Variants in TRIM33 observed in about 807,000 individuals in gnomAD.
TRIM33 encodes the protein E3 ubiquitin-protein ligase TRIM33.
A neutral mutation model predicts 125.4 loss-of-function variants in TRIM33; 20 were observed. The observed-to-expected ratio is 0.16, with a 90% confidence interval of 0.11 to 0.23. TRIM33 has a LOEUF of 0.23. TRIM33 is among the 10% of genes least tolerant of loss of function. TRIM33 has a pLI of 1.00. For missense variants in TRIM33, 920 were observed against 1,411.4 expected (o/e 0.65, Z 5.58); for synonymous variants, 564 against 513.9 (o/e 1.10, Z -1.32).
chr1:114,464,459 GA>G (rs1650170085), intron 1 of TRIM33, 71 bp from the exon 2 acceptor site: 1 of 839,892 alleles, frequency 1.2e-6, no homozygotes, highest in Non-Finnish European at 1.9e-6. Flanking sequence ...TGTCCATATA[GA>G]AACATTAATT....
intron 1 of TRIM33, among the ~76,000 whole-genome samples, chr1:114,488,146 A>G (rs1455856350): frequency 2.0e-5 from 3 of 152,148 alleles, no homozygotes; most frequent in African/African-American, 7.2e-5. Context: ...GTTACAAATA[A>G]ACGTTGCGAT....
At chr1:114,414,223 T>C (rs1347924254) in intron 11 of TRIM33, among the ~76,000 whole-genome samples, 2 of 152,176 alleles carry the variant, frequency 1.3e-5, no homozygotes, top group South Asian at 2.1e-4. Context: ...ACAATGGTTT[T>C]ATATGGCTCA....
At chr1:114,414,989 AT>A (rs56960865) in intron 11 of TRIM33, among the ~76,000 whole-genome samples, 316 of 104,692 alleles carry the variant, frequency 3.0e-3, no homozygotes, top group Admixed American at 0.011. Flanking sequence ...GGTAGATTCT[AT>A]TTTTTTTTTT....
At chr1:114,418,188 G>A (rs1653053545) in intron 11 of TRIM33, among the ~76,000 whole-genome samples, 1 of 152,224 alleles carries the variant, frequency 6.6e-6, no homozygotes, top group Non-Finnish European at 1.5e-5. Flanking sequence ...AGGAGAGAGA[G>A]TGAGTGCAGA....
chr1:114,453,493 T>G (rs1473919193), intron 4 of TRIM33, among the ~76,000 whole-genome samples: 1 of 151,974 alleles, frequency 6.6e-6, no homozygotes, highest in Non-Finnish European at 1.5e-5. Flanking sequence ...GCTACTAAAG[T>G]GTAAGTGGAA....
Position 114,425,647 on chromosome 1 carries a change from T to C in TRIM33, c.1497A>G (p.Thr499=), listed in dbSNP as rs1366290998. 1 of 1,614,190 alleles carries C rather than the reference T, an allele frequency of 6.2e-7. No individual in the cohort carries two copies. Among genetic ancestry groups the C allele is most frequent in the South Asian group, 1.1e-5 (1 of 91,084 alleles). The change falls in exon 9 of 20, where the codon ACA becomes ACG. Residue 499 remains threonine, a synonymous_variant. Coordinates refer to ENST00000358465, the MANE Select transcript of TRIM33 (RefSeq NM_015906.4). The part of the protein sequence containing the change: ...NVVVGQVPPG[T]NHISKTPGQI... ...GTCCAGGGGTTTTACTAATGTGGTT[T>C]GTCCCTGGAGGAACTTGCCCAACTA...
At chr1:114,481,907 C>T (rs953488653) in intron 1 of TRIM33, among the ~76,000 whole-genome samples, 8 of 151,838 alleles carry the variant, frequency 5.3e-5, no homozygotes, top group Non-Finnish European at 1.2e-4. Flanking sequence ...TACAGATGTG[C>T]GCCACCATGC....
intron 1 of TRIM33, among the ~76,000 whole-genome samples, chr1:114,492,921 T>C (rs1652156581): frequency 6.6e-6 from 1 of 152,242 alleles, no homozygotes; most frequent in South Asian, 2.1e-4. Flanking sequence ...GGGTCACAGA[T>C]ATGTAAGAAT....
chr1:114,433,577 A>G, intron 5 of TRIM33, 40 bp downstream of exon 5: 3 of 1,240,566 alleles, frequency 2.4e-6, no homozygotes, highest in Non-Finnish European at 3.4e-6. Context: ...ACTTCTTTTT[A>G]GTAATTCTTA....
chr1:114,415,272 C>T (rs1652864623), intron 11 of TRIM33, among the ~76,000 whole-genome samples: 3 of 152,074 alleles, frequency 2.0e-5, no homozygotes, highest in African/African-American at 4.8e-5. Context: ...GCTGGGACTA[C>T]AGGCAGAGCC....
intron 1 of TRIM33, 124 bp downstream of exon 1, chr1:114,510,427 C>G (rs1653273250): frequency 1.1e-6 from 1 of 913,644 alleles, no homozygotes; most frequent in Non-Finnish European, 1.5e-6. Flanking sequence ...AGTCTTTCAC[C>G]TTAGAGACCC....
intron 5 of TRIM33, among the ~76,000 whole-genome samples, chr1:114,433,118 T>C (rs1393008329): frequency 1.3e-5 from 2 of 152,200 alleles, no homozygotes; most frequent in African/African-American, 4.8e-5. Flanking sequence ...TTTTAAATAA[T>C]AAATGGTGAT....
At position 114,500,972 on chromosome 1, in the gene TRIM33, C is replaced by T. The variant is rs1459212101; in HGVS notation, c.526+9579G>A. On this transcript the variant is annotated intron_variant, in intron 1 of 19. Coordinates refer to ENST00000358465, the MANE Select transcript of TRIM33 (RefSeq NM_015906.4). Reference sequence around the variant, plus strand: ...TTGGGAGGCCGAGGCGGGCGGATCACGAGGTCAGGAGATCGAGACCATCCC... The same window carrying T: ...TTGGGAGGCCGAGGCGGGCGGATCATGAGGTCAGGAGATCGAGACCATCCC... Among the ~76,000 whole-genome samples the T allele has an allele frequency of 1.4e-4, 9 of 65,104 alleles. 1 individual carries two copies. Among genetic ancestry groups the T allele is most frequent in the South Asian group, 9.1e-4 (2 of 2,192 alleles). The allele number at this position is 65,104 out of a possible 152,430, so 42.7% of individuals were successfully genotyped here.
Position 114,408,710 on chromosome 1 carries a change from G to A in TRIM33, c.2225C>T (p.Pro742Leu). The A allele has an allele frequency of 2.5e-6, 4 of 1,604,296 alleles. No individual in the cohort carries two copies. Among genetic ancestry groups the A allele is most frequent in the Non-Finnish European group, 3.4e-6 (4 of 1,174,664 alleles). Residue 742 changes from proline to leucine, a missense_variant, in exon 13 of 20, where the codon CCC (proline) becomes CTC (leucine). By Grantham distance (98) the Pro-to-Leu change is moderately conservative. Around this residue, in one of 8 missense-constraint regions of TRIM33, gnomAD observed 407 missense variants for 589.7 expected, o/e 0.69. Transcript: ENST00000358465. ...ACTGCCAGTACTAGAAGTACTTGGG[G>A]GTCTCACAGGTGTGTGAGAATTGGA... ...GLSNSHTPVR[P>L]PSTSSTGSRG...
At chr1:114,482,975 A>C (rs1389109925) in intron 1 of TRIM33, among the ~76,000 whole-genome samples, 1 of 152,230 alleles carries the variant, frequency 6.6e-6, no homozygotes, top group Non-Finnish European at 1.5e-5. Context: ...TAGAACTATG[A>C]ACCTCTTATG....
chr1:114,491,838 C>T (rs1427456599), intron 1 of TRIM33, among the ~76,000 whole-genome samples: 1 of 152,086 alleles, frequency 6.6e-6, no homozygotes, highest in Non-Finnish European at 1.5e-5. Flanking sequence ...ATCGCTGGTT[C>T]ATTAACACTG....
At position 114,427,144 on chromosome 1, in the gene TRIM33, C is replaced by T; in HGVS notation, c.1420+33G>A. ...ATTTTCTCCTTCTAATTCAGTGTTC[C>T]AAGTTATATTCATAAAACTCATTAT... is the stretch of plus-strand genomic sequence containing the variant. On this transcript the variant is annotated intron_variant, in intron 8 of 19. Coordinates refer to ENST00000358465, the MANE Select transcript of TRIM33 (RefSeq NM_015906.4). The T allele has an allele frequency of 2.8e-6, 3 of 1,062,054 alleles. No individual in the cohort carries two copies. The South Asian group carries it at 4.7e-5, about 16-fold the overall frequency. 65.8% of individuals were successfully genotyped at this position (1,062,054 alleles called of 1,614,324 possible).
chr1:114,479,090 A>T (rs1485412938), intron 1 of TRIM33, among the ~76,000 whole-genome samples: 1 of 152,218 alleles, frequency 6.6e-6, no homozygotes, highest in Non-Finnish European at 1.5e-5. Context: ...TAGATGGATA[A>T]ATTAAAATTT....
intron 4 of TRIM33, among the ~76,000 whole-genome samples, chr1:114,451,424 C>T: frequency 6.6e-6 from 1 of 151,140 alleles, no homozygotes; most frequent in South Asian, 2.1e-4. Context: ...TCTCTTCTCC[C>T]ATTCTTAGTC....
Sources: allele counts gnomAD v4.1 joint callset (sites outside exome capture counted in the v4.1 genomes callset), GRCh38; gene constraint gnomAD v4.1.1; regional missense constraint gnomAD v4.1.1; transcripts MANE v1.5; gene names NCBI Gene and HGNC (gene_info 2026-07-23, HGNC 2026-07-21).